Variants in RPS6KA2 observed in about 807,000 individuals in gnomAD.
RPS6KA2 encodes the protein ribosomal protein S6 kinase alpha-2.
RPS6KA2 carries 42 observed loss-of-function variants against 91.8 expected under a neutral mutation model. The ratio of observed to expected loss-of-function variants is 0.46; its 90% CI spans 0.36 to 0.59. The LOEUF is 0.59. Among genes scored for constraint, RPS6KA2 ranks in the 20% least tolerant of loss-of-function variants. RPS6KA2 has a pLI of 0.00. For synonymous variants in RPS6KA2, 414 were observed against 393.6 expected, an observed-to-expected ratio of 1.05 and a Z score of -0.61; for missense variants, 798 against 978.5, an observed-to-expected ratio of 0.82 and a Z score of 2.46.
chr6:166,505,754 C>T (rs572940748), intron 5 of RPS6KA2, among the ~76,000 whole-genome samples: 4 of 152,234 alleles, frequency 2.6e-5, no homozygotes, highest in African/African-American at 9.6e-5. Flanking sequence ...CCACCGGCCC[C>T]CCGAGTCCCC....
In RPS6KA2 at chr6:166,451,383, A is replaced by T. The variant is rs556465730; in HGVS notation, c.1076-150T>A. The T allele has an allele frequency of 9.1e-5, 69 of 762,386 alleles. No homozygotes were observed. The African/African-American group carries it at 1.2e-3, about 13-fold the overall frequency. The allele number at this position is 762,386 out of a possible 1,614,324, so 47.2% of individuals were successfully genotyped here. On this transcript the variant is annotated intron_variant, in intron 12 of 20. Transcript: ENST00000265678. ...TGCACGTGGCGTATGCCTGTGGTGG[A>T]GGAAAAGGTAAAACAGACATGTAGA...
intron 2 of RPS6KA2, among the ~76,000 whole-genome samples, chr6:166,774,826 G>A (rs1019727866): frequency 6.7e-6 from 1 of 149,972 alleles, no homozygotes; most frequent in Non-Finnish European, 1.5e-5. Flanking sequence ...AAAACATCTC[G>A]CCCTTCTTTG....
At chr6:166,814,296 A>G (rs1194059425) in intron 2 of RPS6KA2, among the ~76,000 whole-genome samples, 1 of 152,216 alleles carries the variant, frequency 6.6e-6, no homozygotes, top group Non-Finnish European at 1.5e-5. Context: ...AAATCATATG[A>G]GTTCTTTGGT....
intron 2 of RPS6KA2, among the ~76,000 whole-genome samples, chr6:166,828,614 C>T (rs1281578209): frequency 6.6e-6 from 1 of 152,174 alleles, no homozygotes; most frequent in East Asian, 1.9e-4. Context: ...CTTGTGAAAA[C>T]TGGATATCAA....
intron 2 of RPS6KA2, among the ~76,000 whole-genome samples, chr6:166,652,439 G>C (rs764678989): frequency 6.6e-6 from 1 of 152,120 alleles, no homozygotes; most frequent in Non-Finnish European, 1.5e-5. Context: ...TGAGGAGTTT[G>C]ATCGTTTGCA....
In RPS6KA2 at chr6:166,434,205, G is replaced by C. The variant is rs569630433; in HGVS notation, c.1333-1715C>G. On this transcript the variant is annotated intron_variant, in intron 14 of 20. Coordinates refer to ENST00000265678, the MANE Select transcript of RPS6KA2 (RefSeq NM_021135.6). The surrounding 1 kb of genome is among the most constrained non-coding windows in gnomAD (Gnocchi z 4.4). ...TTCTCACCCCATTATAGTTTCAAAG[G>C]ATGCTCTGCCACGGCCACCATTCAG... is the stretch of plus-strand genomic sequence containing the variant. 1.4e-4 allele frequency among the ~76,000 whole-genome samples: 21 copies of C among 152,248 alleles called. 1 individual carries two copies. In the South Asian group the frequency reaches 4.4e-3, roughly 32 times the overall value.
intron 1 of RPS6KA2, among the ~76,000 whole-genome samples, chr6:166,573,226 C>T (rs1057507563): frequency 2.0e-5 from 3 of 152,182 alleles, no homozygotes; most frequent in Admixed American, 2.0e-4. Context: ...TGCCCTGTCA[C>T]GAGAAGGGCA....
At chr6:166,656,697 T>A (rs1025794570) in intron 2 of RPS6KA2, among the ~76,000 whole-genome samples, 1 of 152,160 alleles carries the variant, frequency 6.6e-6, no homozygotes, top group Non-Finnish European at 1.5e-5. Context: ...CAGAAGCAAG[T>A]GCAGCACTGC....
chr6:166,763,384 C>T (rs1286016309), intron 2 of RPS6KA2, among the ~76,000 whole-genome samples: 1 of 152,208 alleles, frequency 6.6e-6, no homozygotes, highest in Non-Finnish European at 1.5e-5. Flanking sequence ...TGGCTCGGTT[C>T]AAATCCATGA....
chr6:166,747,272 C>T (rs1021788436), intron 2 of RPS6KA2, among the ~76,000 whole-genome samples: 21 of 152,130 alleles, frequency 1.4e-4, no homozygotes, highest in African/African-American at 4.6e-4. Flanking sequence ...TCCTCCCATT[C>T]GTGTACAAAG....
rs1778278069 is a variant in RPS6KA2, at chr6:166,410,927, G to GAAGTGATATATTCAC, written c.*1834_*1835insGTGAATATATCACTT. The GAAGTGATATATTCAC allele has an allele frequency of 6.6e-6, 1 of 152,084 alleles. No individual in the cohort carries two copies. The highest frequency in any genetic ancestry group is 2.1e-4 in the South Asian group (1 of 4,834). The allele number at this position is 152,084 out of a possible 1,614,324, so 9.4% of individuals were successfully genotyped here. ...CTCAGGATTATCCACTTCTTCCTAA[G>GAAGTGATATATTCAC]TTTCTAAAAAGAAGTGAAATAATTA... is the stretch of plus-strand genomic sequence containing the variant. On this transcript the variant is annotated 3_prime_UTR_variant, in exon 21 of 21. Coordinates refer to ENST00000265678, the MANE Select transcript of RPS6KA2 (RefSeq NM_021135.6).
At chr6:166,796,136 C>T (rs564420146) in intron 2 of RPS6KA2, among the ~76,000 whole-genome samples, 3 of 152,302 alleles carry the variant, frequency 2.0e-5, no homozygotes, top group African/African-American at 4.8e-5. Context: ...ATTCCCTCCT[C>T]GGGGAGACTT....
At chr6:166,846,643 T>C (rs534138799) in intron 2 of RPS6KA2, among the ~76,000 whole-genome samples, 18 of 152,302 alleles carry the variant, frequency 1.2e-4, no homozygotes, top group African/African-American at 4.1e-4. Context: ...GAAAAAGCAT[T>C]TGACAATATC....
chr6:166,573,935 G>A (rs182637446), intron 1 of RPS6KA2, among the ~76,000 whole-genome samples: 158 of 152,214 alleles, frequency 1.0e-3, no homozygotes, highest in Non-Finnish European at 9.3e-4. Flanking sequence ...CAAAGGGAAC[G>A]CCGACCCACA....
intron 2 of RPS6KA2, among the ~76,000 whole-genome samples, chr6:166,711,870 T>G (rs1789869848): frequency 6.7e-6 from 1 of 149,432 alleles, no homozygotes; most frequent in Admixed American, 6.6e-5. Context: ...ATGAGCTGAT[T>G]AAAAAAAAAC....
chr6:166,701,852 G>T (rs1481578566), intron 2 of RPS6KA2: 7 of 892,996 alleles, frequency 7.8e-6, no homozygotes, highest in African/African-American at 1.7e-5. Context: ...AGCTGTAATG[G>T]TGTGTTCTGG....
At chr6:166,762,026 G>A (rs1255025646) in intron 2 of RPS6KA2, among the ~76,000 whole-genome samples, 1 of 152,210 alleles carries the variant, frequency 6.6e-6, no homozygotes, top group Non-Finnish European at 1.5e-5. Flanking sequence ...TGGAAAAGAA[G>A]CCTTGCAGAC....
At chr6:166,814,171 G>C (rs6918941) in intron 2 of RPS6KA2, among the ~76,000 whole-genome samples, 2 of 151,974 alleles carry the variant, frequency 1.3e-5, no homozygotes, top group African/African-American at 4.8e-5. Context: ...ATGGATGATA[G>C]TATGTTTCAA....
intron 14 of RPS6KA2, among the ~76,000 whole-genome samples, chr6:166,439,304 C>T (rs1012683125): frequency 1.3e-5 from 2 of 152,164 alleles, no homozygotes; most frequent in Non-Finnish European, 2.9e-5. Flanking sequence ...GACGGGGCTT[C>T]GCCATGTTGG....
Sources: allele counts gnomAD v4.1 joint callset (sites outside exome capture counted in the v4.1 genomes callset), GRCh38; gene constraint gnomAD v4.1.1; non-coding constraint Gnocchi (gnomAD v3.1); transcripts MANE v1.5; gene names NCBI Gene and HGNC (gene_info 2026-07-23, HGNC 2026-07-21).